RBMS3: variants seen among roughly 807,000 people sequenced by gnomAD.
RBMS3 encodes RNA-binding motif, single-stranded-interacting protein 3.
A neutral mutation model predicts 66.8 loss-of-function variants in RBMS3; 27 were observed. That is an observed-to-expected ratio of 0.40 (90% CI 0.30 to 0.56). The LOEUF (loss-of-function observed/expected upper bound fraction) is 0.56. RBMS3 is among the 20% of genes least tolerant of loss of function. The pLI, the probability that RBMS3 is intolerant of heterozygous loss-of-function variation, is 0.40. For missense variants in RBMS3, 513 were observed against 549.5 expected (o/e 0.93, Z 0.66); for synonymous variants, 188 against 183.0 (o/e 1.03, Z -0.22).
At chr3:29,597,340 G>A (rs2047979674) in intron 4 of RBMS3, among the ~76,000 whole-genome samples, 1 of 152,098 alleles carries the variant, frequency 6.6e-6, no homozygotes, top group Admixed American at 6.6e-5. Context: ...TTGAATGATA[G>A]GCCTCTGTGA....
chr3:29,652,997 C>G (rs1310756481), intron 4 of RBMS3, among the ~76,000 whole-genome samples: 2 of 152,028 alleles, frequency 1.3e-5, no homozygotes, highest in Admixed American at 6.6e-5. Flanking sequence ...AAATCAACTT[C>G]TATAGTCAAA....
chr3:29,289,508 C>G (rs1433646432), intron 1 of RBMS3, among the ~76,000 whole-genome samples: 1 of 151,770 alleles, frequency 6.6e-6, no homozygotes, highest in Non-Finnish European at 1.5e-5. Context: ...ATGGTTAAAA[C>G]AGTTAACTAT....
At chr3:29,997,603 G>T (rs989253050) in intron 14 of RBMS3, among the ~76,000 whole-genome samples, 4 of 151,206 alleles carry the variant, frequency 2.6e-5, no homozygotes, top group African/African-American at 7.3e-5. Flanking sequence ...GGGAGGCAAG[G>T]CTGGTTCAAT....
At chr3:29,526,269 C>G (rs2045093776) in intron 3 of RBMS3, 1 of 151,764 alleles carries the variant, frequency 6.6e-6, no homozygotes, top group Non-Finnish European at 1.5e-5. Context: ...GCCTGTAATC[C>G]CAGCACTTTG....
intron 4 of RBMS3, among the ~76,000 whole-genome samples, chr3:29,596,729 C>T (rs368415548): frequency 4.6e-5 from 7 of 152,168 alleles, no homozygotes; most frequent in East Asian, 1.9e-4. Context: ...ATTTCTGAAA[C>T]GGAATAACAG....
chr3:29,638,267 A>G (rs533169422), intron 4 of RBMS3, among the ~76,000 whole-genome samples: 14 of 151,848 alleles, frequency 9.2e-5, no homozygotes, highest in Middle Eastern at 3.4e-3. Context: ...TATCTTGAAA[A>G]ACATGCTAGG....
intron 6 of RBMS3, among the ~76,000 whole-genome samples, chr3:29,812,678 G>T (rs1216172648): frequency 6.6e-6 from 1 of 152,152 alleles, no homozygotes; most frequent in African/African-American, 2.4e-5. Context: ...ATTTGCATTT[G>T]AAGTATTAAG....
intron 1 of RBMS3, among the ~76,000 whole-genome samples, chr3:29,319,532 A>C (rs2034886918): frequency 6.6e-6 from 1 of 151,948 alleles, no homozygotes; most frequent in Admixed American, 6.6e-5. Flanking sequence ...AAAAGCCAGC[A>C]ACTACTGTGG....
chr3:29,891,700 G>A (rs1024532634), intron 8 of RBMS3, among the ~76,000 whole-genome samples: 6 of 151,398 alleles, frequency 4.0e-5, no homozygotes, highest in Non-Finnish European at 5.9e-5. Flanking sequence ...TGGGGGAGAC[G>A]TGAAAAAGAA....
chr3:29,899,600 T>C, intron 9 of RBMS3, 105 bp from the exon 10 acceptor site: 1 of 911,548 alleles, frequency 1.1e-6, no homozygotes, highest in South Asian at 1.7e-5. Flanking sequence ...AACTGTAAAG[T>C]CAGGTGGACT....
intron 5 of RBMS3, among the ~76,000 whole-genome samples, chr3:29,751,990 A>C (rs2055203979): frequency 6.6e-6 from 1 of 152,146 alleles, no homozygotes; most frequent in South Asian, 2.1e-4. Flanking sequence ...TGGATGGCTT[A>C]AGTGTTTAAC....
At chr3:29,340,945 CTTAG>C (rs1015059078) in intron 1 of RBMS3, among the ~76,000 whole-genome samples, 2 of 151,678 alleles carry the variant, frequency 1.3e-5, no homozygotes, top group African/African-American at 4.8e-5. Flanking sequence ...TTAATTTAAA[CTTAG>C]TTTAATAATT....
At chr3:29,384,435 T>TAATAAGAAG (rs776357215) in intron 1 of RBMS3, among the ~76,000 whole-genome samples, 2,659 of 141,056 alleles carry the variant, frequency 0.019, 36 homozygotes, top group Admixed American at 0.052. Context: ...ATAATAATAA[T>TAATAAGAAG]AAGAAGAAGA....
intron 1 of RBMS3, among the ~76,000 whole-genome samples, chr3:29,390,637 T>C (rs1192751317): frequency 2.8e-4 from 43 of 152,212 alleles, no homozygotes; most frequent in Admixed American, 2.7e-3. Flanking sequence ...GGTTGATTAG[T>C]GTATCTTAGG....
At chr3:29,858,470 T>A (rs1248592019) in intron 6 of RBMS3, among the ~76,000 whole-genome samples, 10 of 152,224 alleles carry the variant, frequency 6.6e-5, no homozygotes, top group African/African-American at 2.4e-4. Flanking sequence ...GTGCTTCATC[T>A]TAGTAACTTT....
intron 4 of RBMS3, among the ~76,000 whole-genome samples, chr3:29,702,128 G>A (rs1165237309): frequency 6.6e-6 from 1 of 151,924 alleles, no homozygotes; most frequent in African/African-American, 2.4e-5. Flanking sequence ...CTAGCTCAAG[G>A]TTTGTAAATG....
At chr3:29,679,088 T>G (rs2051377401) in intron 4 of RBMS3, among the ~76,000 whole-genome samples, 1 of 152,026 alleles carries the variant, frequency 6.6e-6, no homozygotes, top group African/African-American at 2.4e-5. Flanking sequence ...TTGTCAGAAA[T>G]GAAAATTCAT....
At chr3:29,341,624 G>A (rs915370469) in intron 1 of RBMS3, among the ~76,000 whole-genome samples, 4 of 152,088 alleles carry the variant, frequency 2.6e-5, no homozygotes, top group Non-Finnish European at 5.9e-5. Flanking sequence ...CCCATCAGAG[G>A]CTGGAACATT....
intron 12 of RBMS3, among the ~76,000 whole-genome samples, chr3:29,987,310 A>T (rs922898570): frequency 6.6e-6 from 1 of 152,208 alleles, no homozygotes; most frequent in Non-Finnish European, 1.5e-5. Flanking sequence ...TTGAAGGTGC[A>T]GGATGAATAT....
Sources: allele counts gnomAD v4.1 joint callset (sites outside exome capture counted in the v4.1 genomes callset), GRCh38; gene constraint gnomAD v4.1.1; transcripts MANE v1.5; gene names NCBI Gene and HGNC (gene_info 2026-07-23, HGNC 2026-07-21).